Variants in YEATS4 observed in about 807,000 individuals in gnomAD.
YEATS4 encodes the protein YEATS domain-containing protein 4.
Under a neutral mutation model 30.1 loss-of-function variants are expected in YEATS4, and 17 were observed. The ratio of observed to expected loss-of-function variants is 0.56; its 90% CI spans 0.39 to 0.85. The LOEUF (loss-of-function observed/expected upper bound fraction) is 0.85, where lower values mean the gene tolerates loss of function less well. Among genes scored for constraint, YEATS4 ranks in the 40% least tolerant of loss-of-function variants. The pLI is 0.00. For synonymous variants in YEATS4, 85 were observed against 87.5 expected (o/e 0.97, Z 0.16); for missense variants, 142 against 268.3 (o/e 0.53, Z 3.29).
chr12:69,419,014 C>CATAGAT, the YEATS4 span, among the ~76,000 whole-genome samples: 1 of 143,372 alleles, frequency 7.0e-6, no homozygotes, highest in Non-Finnish European at 1.5e-5. Flanking sequence ...TAATTTAAGC[C>CATAGAT]ATATATATAT....
chr12:69,376,316 A>G (rs1875870681), intron 6 of YEATS4, among the ~76,000 whole-genome samples: 3 of 152,220 alleles, frequency 2.0e-5, no homozygotes, highest in African/African-American at 7.2e-5. Context: ...CAATGAGCCG[A>G]GATTGTGTCA....
At chr12:69,386,286 T>G (rs1419281529) in intron 6 of YEATS4, among the ~76,000 whole-genome samples, 1 of 152,196 alleles carries the variant, frequency 6.6e-6, no homozygotes, top group Non-Finnish European at 1.5e-5. Flanking sequence ...CTATGTTATA[T>G]CTACAGTGAA....
chr12:69,405,976 C>T, the YEATS4 span, among the ~76,000 whole-genome samples: 3 of 152,318 alleles, frequency 2.0e-5, no homozygotes, highest in East Asian at 3.9e-4. Context: ...GCACATACAA[C>T]TCTACATCAT....
the YEATS4 span, among the ~76,000 whole-genome samples, chr12:69,423,920 T>C: frequency 1.3e-5 from 2 of 152,228 alleles, no homozygotes; most frequent in South Asian, 4.1e-4. Flanking sequence ...TAAGGGAGCC[T>C]CTGGGAAAGA....
At chr12:69,385,600 G>A (rs958361264) in intron 6 of YEATS4, among the ~76,000 whole-genome samples, 1 of 152,174 alleles carries the variant, frequency 6.6e-6, no homozygotes, top group Non-Finnish European at 1.5e-5. Flanking sequence ...CAGCTAGTTA[G>A]TAGTAGAATC....
chr12:69,359,797 G>A lies in YEATS4; in HGVS notation c.-176G>A. 1.4e-6 allele frequency: 1 copy of A among 690,522 alleles called. No individual in the cohort carries two copies. The highest frequency in any genetic ancestry group is 2.4e-6 in the Non-Finnish European group (1 of 423,548). 42.8% of individuals were successfully genotyped at this position (690,522 alleles called of 1,614,324 possible). A position where few individuals can be genotyped will look rare whatever the true frequency, so the allele number is the denominator to read the frequency against. On this transcript the variant is annotated 5_prime_UTR_variant, in exon 1 of 7. Coordinates refer to ENST00000247843, the MANE Select transcript of YEATS4 (RefSeq NM_006530.4). Reference sequence around the variant, plus strand: ...GGCCTGAATGGCCTTCAGGAGCACAGTCGGCCTGAGGAGTTGACGGTTACT... The same window carrying A: ...GGCCTGAATGGCCTTCAGGAGCACAATCGGCCTGAGGAGTTGACGGTTACT...
rs1328454785 is a variant in YEATS4, at chr12:69,359,897, G to A, written c.-76G>A. The A allele has an allele frequency of 4.4e-6, 7 of 1,577,026 alleles. No individual in the cohort carries two copies. Among genetic ancestry groups the A allele is most frequent in the Non-Finnish European group, 6.1e-6 (7 of 1,153,368 alleles). On this transcript the variant is annotated 5_prime_UTR_variant, in exon 1 of 7. Coordinates refer to ENST00000247843, the MANE Select transcript of YEATS4 (RefSeq NM_006530.4). ...GCCTGGGCCCGCGCGACAGGAGCGC[G>A]GTCTCTGAGGGGAGCGGCGACCCCG... is the stretch of plus-strand genomic sequence containing the variant.
At chr12:69,361,740 A>C (rs1157601631) in intron 1 of YEATS4, among the ~76,000 whole-genome samples, 1 of 152,208 alleles carries the variant, frequency 6.6e-6, no homozygotes, top group African/African-American at 2.4e-5. Flanking sequence ...ACTTCAATTG[A>C]AATTTTTTAT....
chr12:69,363,220 C>G (rs958200022), intron 2 of YEATS4, among the ~76,000 whole-genome samples: 1 of 151,844 alleles, frequency 6.6e-6, no homozygotes, highest in Non-Finnish European at 1.5e-5. Flanking sequence ...GTCTCAATCT[C>G]CTGACCTCGT....
chr12:69,366,429 T>C (rs1875437410), intron 4 of YEATS4, among the ~76,000 whole-genome samples: 1 of 152,174 alleles, frequency 6.6e-6, no homozygotes. Flanking sequence ...TCAGCAACTT[T>C]GTTAGGTTGT....
At chr12:69,408,544 G>T in the YEATS4 span, among the ~76,000 whole-genome samples, 5 of 152,218 alleles carry the variant, frequency 3.3e-5, no homozygotes, top group African/African-American at 1.2e-4. Context: ...AGGTTGCCCT[G>T]TGAAAAGTTT....
the YEATS4 span, among the ~76,000 whole-genome samples, chr12:69,408,608 A>G: frequency 6.6e-6 from 1 of 152,330 alleles, no homozygotes; most frequent in Admixed American, 6.5e-5. Flanking sequence ...TTCCTCAGAC[A>G]AATTTCTCCA....
At chr12:69,403,746 G>T in the YEATS4 span, among the ~76,000 whole-genome samples, 2 of 152,126 alleles carry the variant, frequency 1.3e-5, no homozygotes, top group Admixed American at 6.6e-5. Flanking sequence ...CCTCCTAAGT[G>T]CATTGCAATT....
the YEATS4 span, among the ~76,000 whole-genome samples, chr12:69,397,475 G>C: frequency 0.057 from 8,713 of 152,142 alleles, 495 homozygotes; most frequent in East Asian, 0.28. Flanking sequence ...TTCCTGTGCT[G>C]TTCTCAAGAT....
chr12:69,361,046 A>G (rs1293678135), intron 1 of YEATS4, among the ~76,000 whole-genome samples: 1 of 151,478 alleles, frequency 6.6e-6, no homozygotes, highest in Admixed American at 6.6e-5. Flanking sequence ...AAATATACAA[A>G]AATTAGCCGG....
the YEATS4 span, among the ~76,000 whole-genome samples, chr12:69,404,234 T>C: frequency 6.6e-6 from 1 of 152,322 alleles, no homozygotes; most frequent in South Asian, 2.1e-4. Context: ...GCTTAACTTA[T>C]CTCCTATTTC....
chr12:69,369,563 C>T (rs559647238), intron 4 of YEATS4, among the ~76,000 whole-genome samples: 8 of 152,250 alleles, frequency 5.3e-5, no homozygotes, highest in Non-Finnish European at 8.8e-5. Context: ...CTGTAGGGCT[C>T]CTGGGAGCTC....
intron 6 of YEATS4, among the ~76,000 whole-genome samples, chr12:69,372,109 A>G (rs146565375): frequency 1.5e-3 from 231 of 152,306 alleles, no homozygotes; most frequent in African/African-American, 5.2e-3. Flanking sequence ...GTGGGTAACT[A>G]TGAGGGCTTC....
intron 6 of YEATS4, among the ~76,000 whole-genome samples, chr12:69,375,695 G>C (rs1875842466): frequency 6.6e-6 from 1 of 152,212 alleles, no homozygotes; most frequent in Non-Finnish European, 1.5e-5. Flanking sequence ...GCGGTCAGGA[G>C]CTGGAGACCA....
Sources: allele counts gnomAD v4.1 joint callset (sites outside exome capture counted in the v4.1 genomes callset), GRCh38; gene constraint gnomAD v4.1.1; transcripts MANE v1.5; gene names NCBI Gene and HGNC (gene_info 2026-07-23, HGNC 2026-07-21).